The following PLEKHG1 variants were observed in gnomAD, a reference collection of about 807,000 sequenced individuals.
PLEKHG1 encodes the protein pleckstrin homology and RhoGEF domain containing G1.
A neutral mutation model predicts 100.8 loss-of-function variants in PLEKHG1; 44 were observed. The observed-to-expected ratio is 0.44, with a 90% confidence interval of 0.34 to 0.56. The LOEUF (loss-of-function observed/expected upper bound fraction) is 0.56. PLEKHG1 is among the 20% of genes least tolerant of loss of function. PLEKHG1 has a pLI of 0.01. For synonymous variants in PLEKHG1, 640 were observed against 662.5 expected (o/e 0.97, Z 0.52); for missense variants, 1,545 against 1,720.9 (o/e 0.90, Z 1.81).
At chr6:150,818,039 GTGTGTAAA>G in intron 10 of PLEKHG1, 136 bp from the exon 12 acceptor site, 2 of 685,792 alleles carry the variant, frequency 2.9e-6, no homozygotes, top group Non-Finnish European at 5.1e-6. Flanking sequence ...TCCCTGCACT[GTGTGTAAA>G]TGCTTAACAT....
rs1785915068 is a variant in PLEKHG1 at position 150,790,603 on chromosome 6, AC to A, written c.582+4145del. ...TAACAGAAATTCATGTAAGCATAAT[AC>A]TGTTCTTTGCAGTAATGTTTGTTAC... On this transcript the variant is annotated intron_variant, in intron 4 of 15. Transcript: ENST00000358517. Among the ~76,000 whole-genome samples, 5 of 152,360 alleles carry A rather than the reference AC, an allele frequency of 3.3e-5. No individual in the cohort carries two copies. The South Asian group carries it at 1.0e-3, about 32-fold the overall frequency.
intron 3 of PLEKHG1, chr6:150,662,735 T>G (rs1225346492): frequency 6.6e-6 from 1 of 152,258 alleles, no homozygotes; most frequent in Non-Finnish European, 1.5e-5. Context: ...GTTCTGCCTG[T>G]GCTTGCAGGA....
chr6:150,781,705 G>C (rs1785321109), intron 3 of PLEKHG1, among the ~76,000 whole-genome samples: 1 of 151,812 alleles, frequency 6.6e-6, no homozygotes, highest in Admixed American at 6.6e-5. Context: ...TTCAAAGGGA[G>C]TCTTTTATAG....
intron 3 of PLEKHG1, among the ~76,000 whole-genome samples, chr6:150,671,728 A>G (rs1448612402): frequency 6.6e-6 from 1 of 152,250 alleles, no homozygotes; most frequent in Non-Finnish European, 1.5e-5. Context: ...AAGAGATCAC[A>G]TTCTAGTCAC....
intron 3 of PLEKHG1, among the ~76,000 whole-genome samples, chr6:150,652,718 C>G (rs1582888422): frequency 7.1e-6 from 1 of 141,730 alleles, no homozygotes; most frequent in Middle Eastern, 3.6e-3. Flanking sequence ...AAAACTGTGT[C>G]TCAAAAAAAA....
chr6:150,683,153 C>T lies in PLEKHG1; in HGVS notation c.-99+32367C>T, dbSNP rs6900518. On this transcript the variant is annotated intron_variant, in intron 3 of 3. Coordinates refer to the PLEKHG1 transcript ENST00000367326. This position sits in a 1 kb window ranked among gnomAD's most constrained non-coding sequence, Gnocchi z 4.0. ...AGAGACTCCAGAGAGACACATGGCCCGAGTCAACCTTATCCTCTGTAGAGG... is the reference window on the plus strand; with the variant it reads ...AGAGACTCCAGAGAGACACATGGCCTGAGTCAACCTTATCCTCTGTAGAGG... Among the ~76,000 whole-genome samples, 32,951 of 152,088 alleles carry T rather than the reference C, an allele frequency of 0.22. 5,205 individuals carry two copies. Among genetic ancestry groups the T allele is most frequent in the African/African-American group, 0.45 (18,467 of 41,464 alleles).
intron 13 of PLEKHG1, among the ~76,000 whole-genome samples, chr6:150,821,923 C>T (rs1015461392): frequency 2.0e-5 from 3 of 150,174 alleles, no homozygotes; most frequent in African/African-American, 7.3e-5. Context: ...CTCACCTCAA[C>T]CTCTGCCTCC....
intron 1 of PLEKHG1, among the ~76,000 whole-genome samples, chr6:150,601,630 CTT>C (rs1256102072): frequency 6.6e-6 from 1 of 152,150 alleles, no homozygotes. Flanking sequence ...ACTAAAGAAA[CTT>C]TTTTCTTCAG....
intron 2 of PLEKHG1, among the ~76,000 whole-genome samples, chr6:150,753,195 C>A (rs946066343): frequency 6.6e-6 from 1 of 152,040 alleles, no homozygotes; most frequent in Non-Finnish European, 1.5e-5. Flanking sequence ...CCCCTCACCC[C>A]CACCCCCGTA....
upstream of PLEKHG1, among the ~76,000 whole-genome samples, chr6:150,720,504 T>G (rs534096679): frequency 6.6e-6 from 1 of 152,242 alleles, no homozygotes; most frequent in Non-Finnish European, 1.5e-5. Flanking sequence ...TTTTTAAATG[T>G]CAGCCTTAAA....
At chr6:150,708,380 A>G (rs977236667) in intron 3 of PLEKHG1, among the ~76,000 whole-genome samples, 1 of 152,142 alleles carries the variant, frequency 6.6e-6, no homozygotes, top group Non-Finnish European at 1.5e-5. Flanking sequence ...ATCAGATCTC[A>G]GCCCCAGCCC....
intron 3 of PLEKHG1, among the ~76,000 whole-genome samples, chr6:150,675,168 G>T (rs1456170301): frequency 6.6e-6 from 1 of 152,130 alleles, no homozygotes; most frequent in Non-Finnish European, 1.5e-5. Context: ...CAAGTTCTTT[G>T]CATGAACACG....
intron 1 of PLEKHG1, among the ~76,000 whole-genome samples, chr6:150,624,353 G>A (rs1265797069): frequency 1.3e-5 from 2 of 152,066 alleles, no homozygotes; most frequent in African/African-American, 4.8e-5. Flanking sequence ...TCCCATTGCA[G>A]GCAACCTTGC....
At position 150,790,088 on chromosome 6, in the gene PLEKHG1, T is replaced by C. The variant is rs565574806; in HGVS notation, c.582+3629T>C. ...CAGGCTGGGGTGCAGTGGTGCAATC[T>C]TGGCTCACCACAACTTCCGCCTCCC... On this transcript the variant is annotated intron_variant, in intron 4 of 15. Transcript: ENST00000358517. Among the ~76,000 whole-genome samples the C allele has an allele frequency of 2.0e-3, 298 of 152,332 alleles. 2 individuals carry two copies. Among genetic ancestry groups the C allele is most frequent in the Non-Finnish European group, 3.2e-3 (216 of 68,042 alleles).
At chr6:150,653,252 G>T (rs1778820846) in intron 3 of PLEKHG1, among the ~76,000 whole-genome samples, 1 of 152,060 alleles carries the variant, frequency 6.6e-6, no homozygotes, top group Non-Finnish European at 1.5e-5. Flanking sequence ...CATATAATAT[G>T]GAACCTAGCT....
At chr6:150,679,598 T>C (rs1399619738) in intron 3 of PLEKHG1, among the ~76,000 whole-genome samples, 1 of 152,242 alleles carries the variant, frequency 6.6e-6, no homozygotes, top group African/African-American at 2.4e-5. Context: ...ACACTAATTA[T>C]ACCAAAGTCC....
At chr6:150,609,919 T>G (rs988848260) in intron 1 of PLEKHG1, among the ~76,000 whole-genome samples, 13 of 152,066 alleles carry the variant, frequency 8.5e-5, no homozygotes, top group African/African-American at 3.1e-4. Flanking sequence ...CGGTCGCCGT[T>G]TCCCACGTCC....
chr6:150,698,027 T>C (rs1780617794), intron 3 of PLEKHG1, among the ~76,000 whole-genome samples: 1 of 152,132 alleles, frequency 6.6e-6, no homozygotes, highest in African/African-American at 2.4e-5. Flanking sequence ...AGATCAGTTG[T>C]AAAGTATGGG....
At chr6:150,637,456 G>C (rs1212007794) in intron 1 of PLEKHG1, among the ~76,000 whole-genome samples, 4 of 151,314 alleles carry the variant, frequency 2.6e-5, no homozygotes, top group Non-Finnish European at 5.9e-5. Flanking sequence ...CATTTGGTAG[G>C]CTCCTCCCTT....
Sources: gnomAD v4.1 joint callset for allele counts (sites outside exome capture counted in the v4.1 genomes callset) on GRCh38, gnomAD v4.1.1 for gene constraint, Gnocchi (gnomAD v3.1) non-coding constraint, MANE v1.5 for transcripts, NCBI Gene and HGNC (gene_info 2026-07-23, HGNC 2026-07-21) for gene names.